Variants in FCHSD2 observed in about 807,000 individuals in gnomAD.
FCHSD2 encodes F-BAR and double SH3 domains protein 2.
In FCHSD2, 38 loss-of-function variants were observed where a neutral mutation model predicts 108.1. The ratio of observed to expected loss-of-function variants is 0.35; its 90% CI spans 0.27 to 0.46. The LOEUF (loss-of-function observed/expected upper bound fraction) is 0.46, where lower values mean the gene tolerates loss of function less well. Ranked by LOEUF, FCHSD2 falls within the 20% of genes least tolerant of loss-of-function variation. The pLI is 1.00. For synonymous variants in FCHSD2, 279 were observed against 314.7 expected, an observed-to-expected ratio of 0.89 and a Z score of 1.20; for missense variants, 751 against 897.8, an observed-to-expected ratio of 0.84 and a Z score of 2.09.
chr11:73,118,060 TA>T (rs1222691402), intron 2 of FCHSD2, among the ~76,000 whole-genome samples: 56 of 152,216 alleles, frequency 3.7e-4, no homozygotes, highest in African/African-American at 1.3e-3. Flanking sequence ...CTCACACCTG[TA>T]ATCCCAGCAC....
At chr11:72,879,372 T>C (rs1855033307) in intron 12 of FCHSD2, among the ~76,000 whole-genome samples, 1 of 152,176 alleles carries the variant, frequency 6.6e-6, no homozygotes, top group African/African-American at 2.4e-5. Context: ...AAACAGTCAC[T>C]ATGTCTAGAT....
chr11:73,098,715 A>G (rs1035839940), intron 2 of FCHSD2, among the ~76,000 whole-genome samples: 2 of 152,244 alleles, frequency 1.3e-5, no homozygotes, highest in Non-Finnish European at 2.9e-5. Flanking sequence ...AGATTTCTAC[A>G]TACAAAAAAT....
intron 11 of FCHSD2, among the ~76,000 whole-genome samples, chr11:72,888,383 C>T (rs1160757954): frequency 6.6e-6 from 1 of 152,004 alleles, no homozygotes; most frequent in Non-Finnish European, 1.5e-5. Flanking sequence ...TTTTGGTAAG[C>T]TTAGACAGGG....
intron 3 of FCHSD2, among the ~76,000 whole-genome samples, chr11:73,035,921 A>T (rs555833081): frequency 6.6e-6 from 1 of 151,878 alleles, no homozygotes; most frequent in East Asian, 1.9e-4. Context: ...GGGTTTCACC[A>T]TGTTGGCCAA....
At chr11:72,962,079 T>C (rs1486832510) in intron 8 of FCHSD2, among the ~76,000 whole-genome samples, 1 of 152,228 alleles carries the variant, frequency 6.6e-6, no homozygotes, top group Non-Finnish European at 1.5e-5. Flanking sequence ...GAGTTTCTTC[T>C]AACTGAAGAC....
Position 73,050,377 on chromosome 11 carries a change from GAT to G in FCHSD2, c.165+33316_165+33317del, listed in dbSNP as rs553577016. ...TAAGTGAAAAAGACGTATTTAGATTGATATAGAGACATATCATATGCAGACAT... is the reference window on the plus strand; with the variant it reads ...TAAGTGAAAAAGACGTATTTAGATTGATAGAGACATATCATATGCAGACAT... On this transcript the variant is annotated intron_variant, in intron 3 of 19. Coordinates refer to ENST00000409418, the MANE Select transcript of FCHSD2 (RefSeq NM_014824.3). Among the ~76,000 whole-genome samples, 1,118 of 152,242 alleles carry G rather than the reference GAT, an allele frequency of 7.3e-3. 12 individuals are homozygous for G. The highest frequency in any genetic ancestry group is 0.012 in the Non-Finnish European group (788 of 68,004).
In FCHSD2 at chr11:72,889,951, A is replaced by G. The variant is rs778492303; in HGVS notation, c.925-6T>C. 1 of 1,552,288 alleles carries G rather than the reference A, an allele frequency of 6.4e-7. No homozygotes were observed. The highest frequency in any genetic ancestry group is 8.9e-7 in the Non-Finnish European group (1 of 1,124,026). ...TCTGATTCTAACTGTCGGCTCTACA[A>G]TACAAGAGAGAACAGAGATAAAAAT... On this transcript the variant is annotated splice_region_variant and splice_polypyrimidine_tract_variant and intron_variant, in intron 10 of 19. Transcript: ENST00000409418.
chr11:73,142,231 T>G lies in FCHSD2; in HGVS notation c.-354A>C. ...CGGCGGGTTAGCCGCAGCCGCGTTGTCCGCGCTCCCGGTCGGCCGCCTGCG... is the reference window on the plus strand; with the variant it reads ...CGGCGGGTTAGCCGCAGCCGCGTTGGCCGCGCTCCCGGTCGGCCGCCTGCG... On this transcript the variant is annotated 5_prime_UTR_variant, in exon 1 of 20. Transcript: ENST00000409418. 1 of 157,992 alleles carries G rather than the reference T, an allele frequency of 6.3e-6. No individual in the cohort carries two copies. 9.8% of individuals were successfully genotyped at this position (157,992 alleles called of 1,614,324 possible).
At chr11:72,891,995 T>G (rs144381133) in intron 10 of FCHSD2, among the ~76,000 whole-genome samples, 1 of 152,332 alleles carries the variant, frequency 6.6e-6, no homozygotes, top group African/African-American at 2.4e-5. Flanking sequence ...AGGTTCTTAA[T>G]AGCCTAAACA....
intron 6 of FCHSD2, among the ~76,000 whole-genome samples, chr11:72,985,498 C>T (rs1049704235): frequency 1.3e-5 from 2 of 152,086 alleles, no homozygotes; most frequent in Non-Finnish European, 2.9e-5. Flanking sequence ...GTTAGAGAGA[C>T]CCAGGGACAA....
intron 8 of FCHSD2, among the ~76,000 whole-genome samples, chr11:72,924,883 T>C (rs1169943358): frequency 6.6e-6 from 1 of 152,128 alleles, no homozygotes; most frequent in Admixed American, 6.5e-5. Flanking sequence ...AAATTTCCTG[T>C]ATCAGGACAT....
Position 72,980,771 on chromosome 11 carries a change from T to C in FCHSD2, c.705+3317A>G, listed in dbSNP as rs567413586. ...GTGTATATATATGTGTATGTATATA[T>C]ATACATCTCACTCTCTTCTACCATA... On this transcript the variant is annotated intron_variant, in intron 8 of 19. Coordinates refer to ENST00000409418, the MANE Select transcript of FCHSD2 (RefSeq NM_014824.3). Among the ~76,000 whole-genome samples, 4 of 151,524 alleles carry C rather than the reference T, an allele frequency of 2.6e-5. No homozygotes were observed. In the East Asian group the frequency reaches 5.8e-4, roughly 22 times the overall value.
intron 2 of FCHSD2, among the ~76,000 whole-genome samples, chr11:73,094,723 C>T (rs998566677): frequency 2.0e-5 from 3 of 152,098 alleles, no homozygotes; most frequent in Admixed American, 6.5e-5. Context: ...GGAACTAGTG[C>T]TTTTATTATC....
At chr11:72,934,281 A>G (rs1856256345) in intron 8 of FCHSD2, among the ~76,000 whole-genome samples, 1 of 152,008 alleles carries the variant, frequency 6.6e-6, no homozygotes, top group Non-Finnish European at 1.5e-5. Context: ...GTTTAAGTGA[A>G]CAGACATGCA....
At chr11:72,925,099 C>A (rs1440474776) in intron 8 of FCHSD2, among the ~76,000 whole-genome samples, 1 of 151,920 alleles carries the variant, frequency 6.6e-6, no homozygotes, top group Non-Finnish European at 1.5e-5. Flanking sequence ...AACCATATAC[C>A]CACACAGTTT....
rs928349312 is a variant in FCHSD2 at position 72,887,683 on chromosome 11, A to C, written c.1042-109T>G. 2.3e-5 allele frequency: 14 copies of C among 620,398 alleles called. No individual in the cohort carries two copies. In the African/African-American group the frequency reaches 2.3e-4, roughly 10 times the overall value. The allele number at this position is 620,398 out of a possible 1,614,324, so 38.4% of individuals were successfully genotyped here. On this transcript the variant is annotated intron_variant, in intron 11 of 19. Transcript: ENST00000409418. ...AGGGCTTTAGTGACTAGTAGCCATA[A>C]TTTTTTTTCATTTATTTATTTTTTG... is the stretch of plus-strand genomic sequence containing the variant.
chr11:72,995,289 T>G (rs1278721368), intron 5 of FCHSD2, among the ~76,000 whole-genome samples: 1 of 152,150 alleles, frequency 6.6e-6, no homozygotes, highest in Non-Finnish European at 1.5e-5. Flanking sequence ...TTTTGTTTAA[T>G]AAATGACAAG....
At chr11:72,864,579 T>A (rs979731091) in intron 13 of FCHSD2, among the ~76,000 whole-genome samples, 4 of 151,168 alleles carry the variant, frequency 2.6e-5, no homozygotes, top group African/African-American at 9.8e-5. Context: ...TTGTACACCA[T>A]AAATATATAC....
In FCHSD2 at chr11:73,139,988, AACAG is replaced by A. The variant is rs574322320; in HGVS notation, c.119+39_119+42del. The A allele has an allele frequency of 9.5e-4, 1,059 of 1,113,266 alleles. 7 individuals are homozygous for A. The African/African-American group carries it at 0.015, about 16-fold the overall frequency. 69.0% of individuals were successfully genotyped at this position (1,113,266 alleles called of 1,614,324 possible). On this transcript the variant is annotated intron_variant, in intron 2 of 19. Coordinates refer to ENST00000409418, the MANE Select transcript of FCHSD2 (RefSeq NM_014824.3). ...GCTTGGTAACTCAAAGGTTCTTTGA[AACAG>A]ACAAACAGAAGTCCTTGAACTATTT...
Sources: gnomAD v4.1 joint callset for allele counts (sites outside exome capture counted in the v4.1 genomes callset) on GRCh38, gnomAD v4.1.1 for gene constraint, MANE v1.5 for transcripts, NCBI Gene and HGNC (gene_info 2026-07-23, HGNC 2026-07-21) for gene names.